Variants in SKIL observed in about 807,000 individuals in gnomAD.
SKIL encodes the protein SKI like proto-oncogene.
SKIL carries 20 observed loss-of-function variants against 69.6 expected under a neutral mutation model. The ratio of observed to expected loss-of-function variants is 0.29; its 90% CI spans 0.20 to 0.42. SKIL has a LOEUF of 0.42. Among genes scored for constraint, SKIL ranks in the 10% least tolerant of loss-of-function variants. SKIL has a pLI of 1.00. For synonymous variants in SKIL, 310 were observed against 279.9 expected (o/e 1.11, Z -1.08); for missense variants, 745 against 783.1 (o/e 0.95, Z 0.58).
rs558600489 is a variant in SKIL, at chr3:170,386,718, C to T, written c.1429+1953C>T. 3.9e-5 allele frequency among the ~76,000 whole-genome samples: 6 copies of T among 152,278 alleles called. No homozygotes were observed. The South Asian group carries it at 6.2e-4, about 16-fold the overall frequency. ...CTCTTAGCCTCAAGTGATCCTCCTG[C>T]CTTGGCCTCCTAAAGCATTGGGATT... is the stretch of plus-strand genomic sequence containing the variant. On this transcript the variant is annotated intron_variant, in intron 4 of 6. Transcript: ENST00000259119.
chr3:170,380,972 A>G (rs1215759829), intron 2 of SKIL, among the ~76,000 whole-genome samples: 1 of 149,460 alleles, frequency 6.7e-6, no homozygotes, highest in Admixed American at 6.7e-5. Flanking sequence ...GGGACCACAG[A>G]TGTACACCAC....
intron 4 of SKIL, among the ~76,000 whole-genome samples, chr3:170,387,651 C>T (rs1469060683): frequency 4.7e-5 from 7 of 150,390 alleles, no homozygotes; most frequent in African/African-American, 1.7e-4. Flanking sequence ...AGGCCGGGCG[C>T]GGTGGCTCAC....
intron 2 of SKIL, among the ~76,000 whole-genome samples, chr3:170,365,974 T>A (rs1465455926): frequency 6.6e-6 from 1 of 151,896 alleles, no homozygotes; most frequent in Non-Finnish European, 1.5e-5. Flanking sequence ...CAGGCTGATC[T>A]TGAACTCCTG....
Position 170,360,385 on chromosome 3 carries a change from G to T in SKIL, c.54G>T (p.Leu18=), listed in dbSNP as rs1736162711. ...FSLVQGSTKK[L]NGMGDDGSPP... Reference sequence around the variant, plus strand: ...TGGTTCAGGGCTCAACTAAAAAACTGAATGGGATGGGAGATGATGGCAGCC... The same window carrying T: ...TGGTTCAGGGCTCAACTAAAAAACTTAATGGGATGGGAGATGATGGCAGCC... Residue 18 remains leucine, a synonymous_variant, in exon 2 of 7, where the codon CTG becomes CTT. Coordinates refer to ENST00000259119, the MANE Select transcript of SKIL (RefSeq NM_005414.5). The T allele has an allele frequency of 6.2e-7, 1 of 1,603,114 alleles. No individual in the cohort carries two copies. The highest frequency in any genetic ancestry group is 2.2e-5 in the East Asian group (1 of 44,852).
intron 1 of SKIL, among the ~76,000 whole-genome samples, chr3:170,358,992 T>C (rs1201506438): frequency 2.0e-5 from 3 of 152,226 alleles, no homozygotes; most frequent in East Asian, 3.8e-4. Flanking sequence ...ATGGTAGATA[T>C]GTTAACTCCT....
intron 4 of SKIL, 68 bp from the exon 5 acceptor site, chr3:170,390,155 G>A: frequency 1.9e-6 from 2 of 1,075,854 alleles, no homozygotes; most frequent in Non-Finnish European, 2.8e-6. Context: ...TACATTTATG[G>A]ATTGTTCTAG....
At chr3:170,378,661 C>G (rs1398361119) in intron 2 of SKIL, among the ~76,000 whole-genome samples, 3 of 147,342 alleles carry the variant, frequency 2.0e-5, no homozygotes, top group African/African-American at 5.0e-5. Context: ...AAGTGATTCT[C>G]CTGCCTCGGC....
rs950821234 is a variant in SKIL at position 170,361,399 on chromosome 3, CATGAGAAGTGGA to C, written c.1070_1081del (p.Met357_Gly360del). 1.9e-6 allele frequency: 3 copies of C among 1,590,456 alleles called. No individual in the cohort carries two copies. The highest frequency in any genetic ancestry group is 2.6e-6 in the Non-Finnish European group (3 of 1,171,984). ...TAGAAGAAATGAAGGAGAAGTTTAG[CATGAGAAGTGGA>C]AAGAGAAATCAATCCAAGGCAAGTT... On this transcript the variant is annotated inframe_deletion, in exon 2 of 7. Coordinates refer to ENST00000259119, the MANE Select transcript of SKIL (RefSeq NM_005414.5).
Position 170,362,427 on chromosome 3 carries a change from C to A in SKIL, c.1098+998C>A, listed in dbSNP as rs571074985. Reference sequence around the variant, plus strand: ...TGAGGCAGGAGAATCGCTTGAACCCCGGAGGCGGAGGTTGTAGTGAGCCGA... The same window carrying A: ...TGAGGCAGGAGAATCGCTTGAACCCAGGAGGCGGAGGTTGTAGTGAGCCGA... On this transcript the variant is annotated intron_variant, in intron 2 of 6. Transcript: ENST00000259119. Among the ~76,000 whole-genome samples, 34 of 151,812 alleles carry A rather than the reference C, an allele frequency of 2.2e-4. 1 individual carries two copies. Among genetic ancestry groups the A allele is most frequent in the Admixed American group, 2.2e-3 (33 of 15,238 alleles).
chr3:170,362,267 C>T (rs960451861), intron 2 of SKIL, among the ~76,000 whole-genome samples: 2 of 152,170 alleles, frequency 1.3e-5, no homozygotes, highest in Non-Finnish European at 2.9e-5. Context: ...CTTTGGGGGG[C>T]TGAAGTAGGT....
In SKIL at chr3:170,360,293, G is replaced by A. The variant is rs1736157728; in HGVS notation, c.-39G>A. The A allele has an allele frequency of 6.7e-7, 1 of 1,503,478 alleles. No homozygotes were observed. Among genetic ancestry groups the A allele is most frequent in the Non-Finnish European group, 8.9e-7 (1 of 1,126,374 alleles). 93.1% of individuals were successfully genotyped at this position (1,503,478 alleles called of 1,614,324 possible). A position where few individuals can be genotyped will look rare whatever the true frequency, so the allele number is the denominator to read the frequency against. ...TTCAAATAAGCAACTAAATAGAAATGCTAATCTCAGACTTAATTATTTAAC... is the reference window on the plus strand; with the variant it reads ...TTCAAATAAGCAACTAAATAGAAATACTAATCTCAGACTTAATTATTTAAC... On this transcript the variant is annotated 5_prime_UTR_variant, in exon 2 of 7. An upstream start codon of the reference 5' UTR is lost. Coordinates refer to ENST00000259119, the MANE Select transcript of SKIL (RefSeq NM_005414.5).
At chr3:170,383,561 G>A (rs886897365) in intron 3 of SKIL, among the ~76,000 whole-genome samples, 3 of 152,168 alleles carry the variant, frequency 2.0e-5, no homozygotes, top group African/African-American at 7.2e-5. Flanking sequence ...AATTTTATGT[G>A]AGTTTTGGTC....
chr3:170,379,641 TTTTTG>T (rs940973824), intron 2 of SKIL, among the ~76,000 whole-genome samples: 8 of 152,148 alleles, frequency 5.3e-5, no homozygotes, highest in African/African-American at 1.9e-4. Flanking sequence ...TCAATTTCTT[TTTTTG>T]TTTTGTTTTG....
intron 2 of SKIL, among the ~76,000 whole-genome samples, chr3:170,367,335 C>T (rs1316298703): frequency 6.6e-6 from 1 of 152,106 alleles, no homozygotes; most frequent in African/African-American, 2.4e-5. Flanking sequence ...TGGTCTCGAT[C>T]TCCTGACGTC....
Position 170,361,283 on chromosome 3 carries a change from T to C in SKIL, c.952T>C (p.Trp318Arg). ...ATCACCTGACAAAAGAACTTGCCAC[T>C]GGGGCTTTGAATCAGCTAAATGGCA... ...HRSPDKRTCHWGFESAKWHCY... is the reference protein window; with the variant it reads ...HRSPDKRTCHRGFESAKWHCY... The change falls in exon 2 of 7, where the codon TGG becomes CGG. Residue 318 changes from tryptophan (W) to arginine (R), a missense_variant. Transcript: ENST00000259119. 6.2e-7 allele frequency: 1 copy of C among 1,614,082 alleles called. No homozygotes were observed. Among genetic ancestry groups the C allele is most frequent in the East Asian group, 2.2e-5 (1 of 44,902 alleles).
At chr3:170,386,387 C>T (rs1274512631) in intron 4 of SKIL, among the ~76,000 whole-genome samples, 1 of 151,278 alleles carries the variant, frequency 6.6e-6, no homozygotes, top group East Asian at 1.9e-4. Flanking sequence ...GCCTCGGCCT[C>T]CCAAAGTGCT....
intron 2 of SKIL, among the ~76,000 whole-genome samples, chr3:170,364,793 A>G (rs1320984793): frequency 6.6e-6 from 1 of 152,214 alleles, no homozygotes; most frequent in African/African-American, 2.4e-5. Context: ...GGTTTGGTTA[A>G]CACTGAAACC....
At chr3:170,378,556 T>C (rs1384477938) in intron 2 of SKIL, among the ~76,000 whole-genome samples, 1 of 140,918 alleles carries the variant, frequency 7.1e-6, no homozygotes, top group African/African-American at 2.5e-5. Context: ...TCTCTCTCTT[T>C]TTTTTTTTTT....
intron 2 of SKIL, among the ~76,000 whole-genome samples, chr3:170,375,451 G>T (rs1266201257): frequency 1.3e-5 from 2 of 152,184 alleles, no homozygotes; most frequent in African/African-American, 4.8e-5. Context: ...AATTGAGTCA[G>T]ATTTCAAGTC....
Sources: allele counts gnomAD v4.1 joint callset (sites outside exome capture counted in the v4.1 genomes callset), GRCh38; gene constraint gnomAD v4.1.1; transcripts MANE v1.5; gene names NCBI Gene and HGNC (gene_info 2026-07-23, HGNC 2026-07-21).